PUS7: variants seen among roughly 807,000 people sequenced by gnomAD.
The protein encoded by PUS7 is pseudouridine synthase 7.
Under a neutral mutation model 79.8 loss-of-function variants are expected in PUS7, and 48 were observed. The ratio of observed to expected loss-of-function variants is 0.60; its 90% CI spans 0.48 to 0.76. PUS7 has a LOEUF of 0.76. Ranked by LOEUF, PUS7 falls within the 30% of genes least tolerant of loss-of-function variation. The pLI is 0.00. For missense variants in PUS7, 729 were observed against 797.6 expected (o/e 0.91, Z 1.04); for synonymous variants, 286 against 272.2 (o/e 1.05, Z -0.50).
chr7:105,514,163 G>C (rs1229919311), intron 1 of PUS7, among the ~76,000 whole-genome samples: 63 of 133,012 alleles, frequency 4.7e-4, no homozygotes, highest in Middle Eastern at 4.6e-3. Flanking sequence ...CCCAGGAGGC[G>C]GAGCTTGCGG....
intron 14 of PUS7, among the ~76,000 whole-genome samples, chr7:105,461,943 C>A (rs1171854624): frequency 1.3e-5 from 2 of 151,598 alleles, no homozygotes; most frequent in Non-Finnish European, 2.9e-5. Context: ...TTTGGGAGGC[C>A]GAGGTGGGAG....
chr7:105,498,703 G>A (rs1271966228), intron 5 of PUS7, among the ~76,000 whole-genome samples: 1 of 152,092 alleles, frequency 6.6e-6, no homozygotes, highest in Non-Finnish European at 1.5e-5. Flanking sequence ...CTTTTTCAGG[G>A]ATCCTACTCC....
At chr7:105,504,338 T>C (rs1234168252) in intron 4 of PUS7, among the ~76,000 whole-genome samples, 2 of 152,144 alleles carry the variant, frequency 1.3e-5, no homozygotes, top group African/African-American at 4.8e-5. Context: ...CCCAAAGTGC[T>C]GGGATTACAG....
At chr7:105,468,793 C>T (rs1486500039) in intron 11 of PUS7, among the ~76,000 whole-genome samples, 1 of 152,126 alleles carries the variant, frequency 6.6e-6, no homozygotes, top group Non-Finnish European at 1.5e-5. Flanking sequence ...GCTGGAATTA[C>T]AGGCGTGAGC....
intron 9 of PUS7, among the ~76,000 whole-genome samples, chr7:105,479,173 T>C (rs910778045): frequency 6.6e-6 from 1 of 152,236 alleles, no homozygotes; most frequent in Non-Finnish European, 1.5e-5. Flanking sequence ...TGAATTGGTA[T>C]TATTATCTCC....
At chr7:105,478,503 T>C (rs1205396650) in intron 9 of PUS7, among the ~76,000 whole-genome samples, 3 of 152,222 alleles carry the variant, frequency 2.0e-5, no homozygotes, top group African/African-American at 4.8e-5. Flanking sequence ...ATTTTAGCCA[T>C]CCTAGTGGGT....
Position 105,462,727 on chromosome 7 carries a change from G to A in PUS7, c.1651C>T (p.Leu551Phe), listed in dbSNP as rs201845547. The change falls in exon 14 of 16, where the codon CTC (leucine) becomes TTC (phenylalanine). Residue 551 changes from leucine to phenylalanine, a missense_variant. Leu to Phe is a conservative substitution (Grantham distance 22). Transcript: ENST00000469408. ...HKIQEAYREMLTADNLDIDNM... is the reference protein window; with the variant it reads ...HKIQEAYREMFTADNLDIDNM... ...TCAATATCAAGATTGTCAGCTGTGAGCATTTCCCTGTAGGCTTCTTGAACT... is the reference window on the plus strand; with the variant it reads ...TCAATATCAAGATTGTCAGCTGTGAACATTTCCCTGTAGGCTTCTTGAACT... 6.2e-7 allele frequency: 1 copy of A among 1,613,240 alleles called. No individual in the cohort carries two copies. The highest frequency in any genetic ancestry group is 1.1e-5 in the South Asian group (1 of 90,932).
chr7:105,518,537 G>A (rs558100966), intron 1 of PUS7, among the ~76,000 whole-genome samples: 7 of 151,934 alleles, frequency 4.6e-5, no homozygotes, highest in African/African-American at 1.7e-4. Context: ...GAGTAACTGG[G>A]ACTACAGGCA....
intron 1 of PUS7, among the ~76,000 whole-genome samples, chr7:105,510,521 A>AT (rs972841655): frequency 6.7e-5 from 10 of 149,620 alleles, no homozygotes; most frequent in South Asian, 4.3e-4. Flanking sequence ...GCAAATTTTA[A>AT]TTTTTTTTTT....
intron 13 of PUS7, among the ~76,000 whole-genome samples, chr7:105,463,204 A>G (rs934071932): frequency 6.6e-6 from 1 of 152,232 alleles, no homozygotes; most frequent in Non-Finnish European, 1.5e-5. Flanking sequence ...AGTCTTTTTT[A>G]TAGCACTCAA....
At chr7:105,492,098 G>A (rs1824807569) in intron 6 of PUS7, among the ~76,000 whole-genome samples, 1 of 150,692 alleles carries the variant, frequency 6.6e-6, no homozygotes, top group Non-Finnish European at 1.5e-5. Context: ...AAATTCATAT[G>A]CAAGCTAGAA....
intron 5 of PUS7, among the ~76,000 whole-genome samples, chr7:105,498,879 G>C (rs576681157): frequency 1.4e-4 from 21 of 152,098 alleles, no homozygotes; most frequent in Non-Finnish European, 2.8e-4. Flanking sequence ...TGCCCGCCTC[G>C]GCCTCTCAAA....
intron 12 of PUS7, among the ~76,000 whole-genome samples, chr7:105,467,349 G>C (rs1586095565): frequency 6.6e-6 from 1 of 150,860 alleles, no homozygotes; most frequent in Non-Finnish European, 1.5e-5. Flanking sequence ...GAATGCAGTG[G>C]TGTGATCTCG....
intron 5 of PUS7, among the ~76,000 whole-genome samples, chr7:105,499,842 C>T (rs1231306105): frequency 2.0e-5 from 3 of 152,180 alleles, no homozygotes; most frequent in Non-Finnish European, 2.9e-5. Flanking sequence ...TGTAATGATA[C>T]TTTAAAAGCT....
chr7:105,495,277 T>C (rs1360159504), intron 5 of PUS7, 24 bp from the exon 6 acceptor site: 1 of 1,271,016 alleles, frequency 7.9e-7, no homozygotes, highest in Admixed American at 1.9e-5. Context: ...GAATTAACAT[T>C]ATATATACCA....
chr7:105,512,766 T>C (rs1825750307), intron 1 of PUS7, among the ~76,000 whole-genome samples: 1 of 152,144 alleles, frequency 6.6e-6, no homozygotes, highest in South Asian at 2.1e-4. Flanking sequence ...GTGGCACCCC[T>C]TTGAAGAGAA....
intron 1 of PUS7, among the ~76,000 whole-genome samples, chr7:105,515,380 T>C (rs1402145844): frequency 6.6e-6 from 1 of 152,192 alleles, no homozygotes; most frequent in Non-Finnish European, 1.5e-5. Context: ...AGAACTGGTG[T>C]TTCCAGGTGG....
intron 9 of PUS7, among the ~76,000 whole-genome samples, chr7:105,475,417 C>T (rs147619118): frequency 0.037 from 5,656 of 152,030 alleles, 151 homozygotes; most frequent in Middle Eastern, 0.092. Context: ...GATCTCCTGA[C>T]CTTGTGATCT....
In PUS7 at chr7:105,459,228, G is replaced by A. The variant is rs2133020536; in HGVS notation, c.1789C>T (p.Pro597Ser). Reference sequence around the variant, plus strand: ...TTGTCCACATCTGTGTTGAAAAGTGGAATTTTGGGATCATCATATGCAACG... The same window carrying A: ...TTGTCCACATCTGTGTTGAAAAGTGAAATTTTGGGATCATCATATGCAACG... ...EVVAYDDPKIPLFNTDVDNLE... is the reference protein window; with the variant it reads ...EVVAYDDPKISLFNTDVDNLE... The change falls in exon 15 of 16, where the codon CCA becomes TCA. Residue 597 changes from proline to serine, a missense_variant. Coordinates refer to ENST00000469408, the MANE Select transcript of PUS7 (RefSeq NM_019042.5). 1 of 1,611,134 alleles carries A rather than the reference G, an allele frequency of 6.2e-7. No individual in the cohort carries two copies. The highest frequency in any genetic ancestry group is 2.2e-5 in the East Asian group (1 of 44,770).
Sources: gnomAD v4.1 joint callset for allele counts (sites outside exome capture counted in the v4.1 genomes callset) on GRCh38, gnomAD v4.1.1 for gene constraint, MANE v1.5 for transcripts, NCBI Gene and HGNC (gene_info 2026-07-23, HGNC 2026-07-21) for gene names.